Variants in CACNA2D3 observed in about 807,000 individuals in gnomAD.
CACNA2D3 encodes calcium voltage-gated channel auxiliary subunit alpha2delta 3, also known as voltage-dependent calcium channel subunit alpha-2/delta-3.
CACNA2D3 carries 60 observed loss-of-function variants against 160.6 expected under a neutral mutation model. That is an observed-to-expected ratio of 0.37 (90% confidence interval 0.30 to 0.46). The LOEUF is 0.46. Among genes scored for constraint, CACNA2D3 ranks in the 20% least tolerant of loss-of-function variants. CACNA2D3 has a pLI of 1.00. For synonymous variants in CACNA2D3, 558 were observed against 492.9 expected, an observed-to-expected ratio of 1.13 and a Z score of -1.75; for missense variants, 1,205 against 1,365.0, an observed-to-expected ratio of 0.88 and a Z score of 1.85.
chr3:54,858,391 G>T (rs1052440180), intron 17 of CACNA2D3, among the ~76,000 whole-genome samples: 3 of 152,174 alleles, frequency 2.0e-5, no homozygotes. Flanking sequence ...CATCTCACCG[G>T]GGGTAGGAAT....
At chr3:54,659,364 A>G (rs1344112825) in intron 11 of CACNA2D3, among the ~76,000 whole-genome samples, 4 of 152,240 alleles carry the variant, frequency 2.6e-5, no homozygotes, top group East Asian at 1.9e-4. Flanking sequence ...GCATCACTTC[A>G]TTGATACTCC....
At chr3:54,574,217 G>A (rs114616064) in intron 8 of CACNA2D3, among the ~76,000 whole-genome samples, 2,270 of 152,142 alleles carry the variant, frequency 0.015, 20 homozygotes, top group Non-Finnish European at 0.024. Flanking sequence ...TTTCAGTGCC[G>A]GAAGCCCTCG....
intron 2 of CACNA2D3, among the ~76,000 whole-genome samples, chr3:54,162,532 T>C (rs750960520): frequency 6.0e-4 from 91 of 152,232 alleles, no homozygotes; most frequent in Admixed American, 1.3e-3. Context: ...GAAGAAGAGC[T>C]CGCTTCAAAA....
intron 30 of CACNA2D3, among the ~76,000 whole-genome samples, chr3:54,986,664 TG>T (rs1702621087): frequency 6.6e-6 from 1 of 152,152 alleles, no homozygotes; most frequent in South Asian, 2.1e-4. Flanking sequence ...GCAATGGAAT[TG>T]GGGTTTAGTT....
intron 13 of CACNA2D3, among the ~76,000 whole-genome samples, chr3:54,785,962 C>A (rs970659240): frequency 6.6e-6 from 1 of 152,142 alleles, no homozygotes; most frequent in African/African-American, 2.4e-5. Context: ...CACTTCCAGC[C>A]TTCTCCCTGC....
At chr3:54,748,545 A>G (rs1701799270) in intron 11 of CACNA2D3, among the ~76,000 whole-genome samples, 2 of 152,170 alleles carry the variant, frequency 1.3e-5, no homozygotes. Context: ...TGGGAGATCA[A>G]AATGAGCGAA....
At chr3:54,782,511 G>C (rs113436301) in intron 13 of CACNA2D3, among the ~76,000 whole-genome samples, 1 of 151,868 alleles carries the variant, frequency 6.6e-6, no homozygotes, top group Non-Finnish European at 1.5e-5. Context: ...TTCTTCCTTC[G>C]TTTTATTTTG....
At chr3:54,355,845 G>A (rs921027366) in intron 3 of CACNA2D3, among the ~76,000 whole-genome samples, 1 of 152,140 alleles carries the variant, frequency 6.6e-6, no homozygotes, top group Non-Finnish European at 1.5e-5. Context: ...TGCCCATTTC[G>A]AAGCATAAAC....
At chr3:54,630,275 T>C (rs2106821152) in intron 10 of CACNA2D3, among the ~76,000 whole-genome samples, 1 of 152,260 alleles carries the variant, frequency 6.6e-6, no homozygotes, top group South Asian at 2.1e-4. Context: ...ACAAATGCTT[T>C]GGTTCTCTTT....
chr3:54,606,318 A>T lies in CACNA2D3; in HGVS notation c.964-21469A>T, dbSNP rs555264550. 1.5e-4 allele frequency among the ~76,000 whole-genome samples: 23 copies of T among 152,138 alleles called. No homozygotes were observed. The South Asian group carries it at 4.1e-3, about 27-fold the overall frequency. On this transcript the variant is annotated intron_variant, in intron 9 of 37. Transcript: ENST00000474759. ...ATAGTCGATAGAGGAAGTCTCTTTC[A>T]GCACAAGGAATAGGCTGGATGCTGG...
At chr3:54,695,520 C>T (rs1020699653) in intron 11 of CACNA2D3, among the ~76,000 whole-genome samples, 1 of 152,034 alleles carries the variant, frequency 6.6e-6, no homozygotes, top group Non-Finnish European at 1.5e-5. Flanking sequence ...TTGCAAATGG[C>T]CCTCAAGGAG....
At chr3:54,997,787 A>G (rs960187) in intron 31 of CACNA2D3, among the ~76,000 whole-genome samples, 72,182 of 151,982 alleles carry the variant, frequency 0.47, 17,496 homozygotes, top group East Asian at 0.56. Context: ...AGGGCAGCCA[A>G]CGTTGAGAAT....
intron 2 of CACNA2D3, among the ~76,000 whole-genome samples, chr3:54,178,386 C>A (rs185992787): frequency 2.6e-5 from 4 of 152,256 alleles, no homozygotes; most frequent in Admixed American, 2.6e-4. Flanking sequence ...GATTGCCTAG[C>A]GATTTTGGTA....
intron 11 of CACNA2D3, among the ~76,000 whole-genome samples, chr3:54,738,508 A>G (rs73842252): frequency 0.01 from 1,575 of 152,330 alleles, 24 homozygotes; most frequent in African/African-American, 0.035. Flanking sequence ...CTGACCCTAG[A>G]AAAACAACAA....
At chr3:54,556,640 C>G (rs758185789) in intron 5 of CACNA2D3, among the ~76,000 whole-genome samples, 4 of 152,194 alleles carry the variant, frequency 2.6e-5, no homozygotes, top group Non-Finnish European at 4.4e-5. Context: ...AGTCAAGGCT[C>G]AGATAAATCT....
chr3:54,368,804 C>A (rs915349332), intron 3 of CACNA2D3, among the ~76,000 whole-genome samples: 1 of 149,112 alleles, frequency 6.7e-6, no homozygotes, highest in Non-Finnish European at 1.5e-5. Flanking sequence ...TGGGTTCACG[C>A]CATTCTCCTG....
chr3:54,512,813 T>C (rs1701480769), intron 5 of CACNA2D3, among the ~76,000 whole-genome samples: 2 of 152,212 alleles, frequency 1.3e-5, no homozygotes, highest in Admixed American at 1.3e-4. Flanking sequence ...GTTTTCATAC[T>C]GCTGATAAAG....
At chr3:54,363,599 A>C (rs1456273343) in intron 3 of CACNA2D3, among the ~76,000 whole-genome samples, 10 of 152,218 alleles carry the variant, frequency 6.6e-5, no homozygotes, top group African/African-American at 2.4e-4. Context: ...TCTGAATCTG[A>C]ATATTCAGAA....
At chr3:54,152,474 G>A (rs1335296093) in intron 2 of CACNA2D3, among the ~76,000 whole-genome samples, 7 of 152,180 alleles carry the variant, frequency 4.6e-5, no homozygotes, top group Admixed American at 4.6e-4. Context: ...GAACAGTCTA[G>A]CAAATAGTAG....
Sources: gnomAD v4.1 joint callset for allele counts (sites outside exome capture counted in the v4.1 genomes callset) on GRCh38, gnomAD v4.1.1 for gene constraint, MANE v1.5 for transcripts, NCBI Gene and HGNC (gene_info 2026-07-23, HGNC 2026-07-21) for gene names.